NOL4: variants seen among roughly 807,000 people sequenced by gnomAD.
NOL4 encodes the protein cancer/testis antigen 125.
A neutral mutation model predicts 75.9 loss-of-function variants in NOL4; 17 were observed. That is an observed-to-expected ratio of 0.22 (90% CI 0.15 to 0.34). The LOEUF (loss-of-function observed/expected upper bound fraction) is 0.34. Ranked by LOEUF, NOL4 falls within the 10% of genes least tolerant of loss-of-function variation. NOL4 has a pLI of 1.00. For synonymous variants in NOL4, 292 were observed against 289.9 expected (o/e 1.01, Z -0.07); for missense variants, 614 against 793.5 (o/e 0.77, Z 2.72).
At chr18:33,891,149 G>T (rs1360181083) in intron 9 of NOL4, among the ~76,000 whole-genome samples, 2 of 151,858 alleles carry the variant, frequency 1.3e-5, no homozygotes, top group African/African-American at 2.4e-5. Context: ...AGTAAATCTT[G>T]CCAAAAGATT....
intron 5 of NOL4, among the ~76,000 whole-genome samples, chr18:34,027,965 TTC>T (rs1343474790): frequency 2.0e-5 from 3 of 152,192 alleles, no homozygotes; most frequent in African/African-American, 7.2e-5. Context: ...TTTAAACTGT[TTC>T]TGTCAGAATA....
intron 1 of NOL4, among the ~76,000 whole-genome samples, chr18:34,146,724 A>C (rs1172327061): frequency 6.6e-6 from 1 of 151,616 alleles, no homozygotes; most frequent in African/African-American, 2.4e-5. Flanking sequence ...TATGAAATTT[A>C]AAGTAGTTTT....
intron 5 of NOL4, among the ~76,000 whole-genome samples, chr18:34,052,897 A>C (rs2076682675): frequency 6.6e-6 from 1 of 152,028 alleles, no homozygotes; most frequent in African/African-American, 2.4e-5. Context: ...ATAACCAGAA[A>C]AGCTAATTTT....
chr18:33,975,823 T>C (rs1283472775), intron 6 of NOL4, among the ~76,000 whole-genome samples: 1 of 152,170 alleles, frequency 6.6e-6, no homozygotes, highest in Non-Finnish European at 1.5e-5. Context: ...GGAAATAAAA[T>C]GCCCTCATGT....
chr18:34,142,658 A>G (rs1351138696), intron 1 of NOL4, among the ~76,000 whole-genome samples: 1 of 152,116 alleles, frequency 6.6e-6, no homozygotes, highest in African/African-American at 2.4e-5. Flanking sequence ...AGGAAGGGGA[A>G]CATCACACAC....
intron 5 of NOL4, among the ~76,000 whole-genome samples, chr18:34,036,556 G>A (rs2075908460): frequency 6.6e-6 from 1 of 152,092 alleles, no homozygotes; most frequent in South Asian, 2.1e-4. Context: ...ACAAGACAAG[G>A]ATGCTCACTT....
chr18:34,093,475 G>C lies in NOL4; in HGVS notation c.762C>G (p.Gly254=). Residue 254 remains glycine, a synonymous_variant, in exon 5 of 11, where the codon GGC becomes GGG. Transcript: ENST00000261592. The stretch of plus-strand genomic sequence containing the variant: ...AACTGAAAGGCTTACCATCTTGCTG[G>C]CCATGAAGATTCTGGGGACTTTGCA... ...ERMQSPQNLH[G]QQDDDSAAES... is the part of the protein sequence containing the mutation. 6.3e-7 allele frequency: 1 copy of C among 1,579,548 alleles called. No homozygotes were observed. Among genetic ancestry groups the C allele is most frequent in the Non-Finnish European group, 8.6e-7 (1 of 1,160,944 alleles).
At chr18:34,040,586 G>T (rs2076098558) in intron 5 of NOL4, among the ~76,000 whole-genome samples, 1 of 151,850 alleles carries the variant, frequency 6.6e-6, no homozygotes, top group African/African-American at 2.4e-5. Context: ...TTAGTACATG[G>T]GTGCACAAAC....
chr18:34,004,382 A>T (rs2073915437), intron 6 of NOL4, among the ~76,000 whole-genome samples: 1 of 152,096 alleles, frequency 6.6e-6, no homozygotes, highest in African/African-American at 2.4e-5. Context: ...AATATTTTGC[A>T]GAGTTTGATT....
At chr18:34,027,027 A>T (rs1032917066) in intron 5 of NOL4, among the ~76,000 whole-genome samples, 1 of 152,210 alleles carries the variant, frequency 6.6e-6, no homozygotes, top group Non-Finnish European at 1.5e-5. Flanking sequence ...TTTTAGATTT[A>T]TGAGGAATTA....
At position 33,852,690 on chromosome 18, in the gene NOL4, C is replaced by T; in HGVS notation, c.*152G>A. 1.5e-6 allele frequency: 1 copy of T among 683,562 alleles called. No homozygotes were observed. Among genetic ancestry groups the T allele is most frequent in the South Asian group, 2.0e-5 (1 of 50,908 alleles). The allele number at this position is 683,562 out of a possible 1,614,324, so 42.3% of individuals were successfully genotyped here. ...AGAGTTCCTTTGAAGCACCTTAACA[C>T]ATCACTTACGGATCAAGGACAATGT... On this transcript the variant is annotated 3_prime_UTR_variant, in exon 11 of 11. Transcript: ENST00000261592.
At chr18:33,915,538 C>A (rs1193371671) in intron 9 of NOL4, among the ~76,000 whole-genome samples, 1 of 151,800 alleles carries the variant, frequency 6.6e-6, no homozygotes, top group African/African-American at 2.4e-5. Context: ...CTGGAATAGG[C>A]GAGAGGCGAT....
chr18:34,090,220 T>C (rs1390298417), intron 5 of NOL4, among the ~76,000 whole-genome samples: 1 of 152,082 alleles, frequency 6.6e-6, no homozygotes, highest in African/African-American at 2.4e-5. Flanking sequence ...CAAAATATAA[T>C]TATGGTAAAA....
intron 6 of NOL4, among the ~76,000 whole-genome samples, chr18:33,961,112 G>C (rs947925510): frequency 3.3e-5 from 5 of 151,584 alleles, no homozygotes; most frequent in African/African-American, 9.7e-5. Context: ...CATTATAAAT[G>C]GTTTCAAATA....
At chr18:34,149,879 T>C (rs550246617) in intron 1 of NOL4, among the ~76,000 whole-genome samples, 5 of 151,788 alleles carry the variant, frequency 3.3e-5, no homozygotes, top group African/African-American at 9.6e-5. Flanking sequence ...AAATATTCAA[T>C]TGAAGTAGAA....
At chr18:34,157,810 A>G (rs915973940) in intron 1 of NOL4, among the ~76,000 whole-genome samples, 1 of 152,162 alleles carries the variant, frequency 6.6e-6, no homozygotes, top group African/African-American at 2.4e-5. Flanking sequence ...GAAAGGGACC[A>G]TTCGATTTGG....
chr18:34,047,659 T>C lies in NOL4; in HGVS notation c.773-28058A>G, dbSNP rs187202737. Among the ~76,000 whole-genome samples, 428 of 152,240 alleles carry C rather than the reference T, an allele frequency of 2.8e-3. 3 individuals are homozygous for C. Among genetic ancestry groups the C allele is most frequent in the Middle Eastern group, 0.01 (3 of 294 alleles). On this transcript the variant is annotated intron_variant, in intron 5 of 10. Transcript: ENST00000261592. ...TAGATATCTTCACAATAGACACTAA[T>C]ATCAAATATTTAAAATTCATACAAG...
intron 1 of NOL4, chr18:34,221,954 A>G (rs2037340771): frequency 7.2e-7 from 1 of 1,386,706 alleles, no homozygotes; most frequent in South Asian, 1.3e-5. Flanking sequence ...AGAAACCCCA[A>G]AGCGAGGCAA....
chr18:33,972,454 A>T (rs1436010803), intron 6 of NOL4, among the ~76,000 whole-genome samples: 5 of 152,190 alleles, frequency 3.3e-5, no homozygotes, highest in South Asian at 2.1e-4. Flanking sequence ...CTATATATAT[A>T]TTTTTAAAAA....
Sources: allele counts gnomAD v4.1 joint callset (sites outside exome capture counted in the v4.1 genomes callset), GRCh38; gene constraint gnomAD v4.1.1; transcripts MANE v1.5; gene names NCBI Gene and HGNC (gene_info 2026-07-23, HGNC 2026-07-21).